The following THOC2 variants were observed in gnomAD, a reference collection of about 807,000 sequenced individuals.
The protein encoded by THOC2 is THO complex subunit 2.
Under a neutral mutation model 128.4 loss-of-function variants are expected in THOC2, and 10 were observed. The observed-to-expected ratio is 0.08, with a 90% CI of 0.05 to 0.13. The LOEUF is 0.13. Among genes scored for constraint, THOC2 ranks in the 10% least tolerant of loss-of-function variants. The probability of loss-of-function intolerance (pLI) is 1.00; values close to 1 mark genes in which losing one functional copy is unlikely to be tolerated. For missense variants in THOC2, 535 were observed against 1,155.7 expected, an observed-to-expected ratio of 0.46 and a Z score of 7.79; for synonymous variants, 393 against 396.9, an observed-to-expected ratio of 0.99 and a Z score of 0.12.
chrX:123,674,460 A>G (rs957151177), intron 8 of THOC2, among the ~76,000 whole-genome samples: 4 of 112,068 alleles, frequency 3.6e-5, no homozygotes, highest in Non-Finnish European at 7.5e-5. Flanking sequence ...CTCTAAATCC[A>G]AAGTGAGTTC....
chrX:123,675,030 G>A (rs1447980268), intron 8 of THOC2, among the ~76,000 whole-genome samples: 5 of 111,707 alleles, frequency 4.5e-5, no homozygotes, highest in African/African-American at 1.6e-4. Flanking sequence ...TAATTATTAT[G>A]TATTTGTCTT....
intron 12 of THOC2, among the ~76,000 whole-genome samples, chrX:123,663,393 T>C (rs2048917329): frequency 9.0e-6 from 1 of 111,476 alleles, no homozygotes; most frequent in Non-Finnish European, 1.9e-5. Context: ...GGAAAGCCTA[T>C]CAGAGGTTGC....
intron 33 of THOC2, among the ~76,000 whole-genome samples, chrX:123,615,533 G>A (rs763845258): frequency 2.6e-4 from 28 of 109,368 alleles, no homozygotes; most frequent in Non-Finnish European, 5.2e-4. Context: ...TTTTCTAATC[G>A]TGAGGTTTAT....
chrX:123,653,694 C>G (rs2048452445), intron 12 of THOC2, among the ~76,000 whole-genome samples: 1 of 111,706 alleles, frequency 9.0e-6, no homozygotes, highest in Non-Finnish European at 1.9e-5. Flanking sequence ...TAGAGAAATG[C>G]AAATCAAAAC....
At chrX:123,669,482 G>T (rs946634987) in intron 9 of THOC2, among the ~76,000 whole-genome samples, 12 of 110,518 alleles carry the variant, frequency 1.1e-4, no homozygotes, top group African/African-American at 4.0e-4. Context: ...ACCCCAGGGT[G>T]ATTTTGTACT....
chrX:123,729,323 G>A (rs2052131327), intron 1 of THOC2, among the ~76,000 whole-genome samples: 1 of 111,666 alleles, frequency 9.0e-6, no homozygotes, highest in Non-Finnish European at 1.9e-5. Flanking sequence ...TGTGATGGAT[G>A]GACCATTCAG....
intron 12 of THOC2, among the ~76,000 whole-genome samples, chrX:123,650,324 G>A (rs1419571661): frequency 8.9e-6 from 1 of 111,777 alleles, no homozygotes; most frequent in African/African-American, 3.3e-5. Flanking sequence ...ATATGGAAAG[G>A]AAAGACTGAA....
chrX:123,715,446 T>C (rs1443183604), intron 1 of THOC2, among the ~76,000 whole-genome samples: 1 of 108,994 alleles, frequency 9.2e-6, no homozygotes, highest in Non-Finnish European at 1.9e-5. Context: ...AAGGAAATAA[T>C]AAAGATTAGG....
chrX:123,604,375 T>G (rs892560851), intron 38 of THOC2, among the ~76,000 whole-genome samples: 4 of 111,389 alleles, frequency 3.6e-5, no homozygotes, highest in Non-Finnish European at 5.7e-5. Context: ...TTGTTTGTTT[T>G]TTTTTTTTCT....
Position 123,623,136 on chromosome X carries a change from A to C in THOC2, c.3651T>G (p.Ser1217=). 1.7e-6 allele frequency: 2 copies of C among 1,211,183 alleles called. No homozygotes were observed. Among genetic ancestry groups the C allele is most frequent in the Non-Finnish European group, 2.2e-6 (2 of 895,181 alleles). The change falls in exon 29 of 39, where the codon TCT becomes TCG. Residue 1217 remains serine (S), a synonymous_variant. Coordinates refer to ENST00000245838, the MANE Select transcript of THOC2 (RefSeq NM_001081550.2). ...GPSSSSIGSA[S]KSDESSTEET... ...CCTCAGTACTGCTTTCATCCGATTT[A>C]GATGCACTTCCTATTGATGATGAAG...
chrX:123,726,599 A>T (rs1026658925), intron 1 of THOC2, among the ~76,000 whole-genome samples: 2 of 111,804 alleles, frequency 1.8e-5, no homozygotes, highest in African/African-American at 6.5e-5. Flanking sequence ...AACAATCTTA[A>T]TGCATGTCTT....
intron 5 of THOC2, among the ~76,000 whole-genome samples, 153 bp from the exon 6 acceptor site, chrX:123,696,995 A>G (rs1313712226): frequency 2.7e-5 from 3 of 112,440 alleles, no homozygotes; most frequent in Non-Finnish European, 5.6e-5. Context: ...AGTTCAATTT[A>G]ACAAATATTG....
At chrX:123,709,530 G>A (rs765612190) in intron 2 of THOC2, among the ~76,000 whole-genome samples, 80 of 111,489 alleles carry the variant, frequency 7.2e-4, no homozygotes, top group Non-Finnish European at 1.4e-3. Flanking sequence ...GGCGGAGCTT[G>A]CAGTGAGCCA....
chrX:123,729,307 T>C (rs182945754), intron 1 of THOC2, among the ~76,000 whole-genome samples: 2 of 112,135 alleles, frequency 1.8e-5, no homozygotes, highest in African/African-American at 6.5e-5. Flanking sequence ...ATGGGATATC[T>C]AGATATGTGA....
At chrX:123,638,270 T>C in intron 17 of THOC2, 147 bp from the exon 18 acceptor site, 1 of 398,414 alleles carries the variant, frequency 2.5e-6, no homozygotes, top group Non-Finnish European at 4.3e-6. Context: ...CTAAAACTAA[T>C]TATTGAAAAA....
At chrX:123,604,140 A>G (rs1296434065) in intron 38 of THOC2, among the ~76,000 whole-genome samples, 1 of 112,174 alleles carries the variant, frequency 8.9e-6, no homozygotes, top group Non-Finnish European at 1.9e-5. Context: ...TATCTTTTTC[A>G]CATCTAGGAC....
intron 38 of THOC2, chrX:123,610,284 A>C (rs1421833410): frequency 9.1e-6 from 1 of 109,783 alleles, no homozygotes; most frequent in Non-Finnish European, 1.9e-5. Context: ...TAAAGCATTA[A>C]GTGCATTACC....
chrX:123,696,677 C>T (rs2050460679), intron 6 of THOC2, 44 bp downstream of exon 6: 1 of 1,154,862 alleles, frequency 8.7e-7, no homozygotes, highest in Non-Finnish European at 1.2e-6. Context: ...AACGAAAAAA[C>T]ATACTCAGAT....
chrX:123,696,145 C>T lies in THOC2; in HGVS notation c.477G>A (p.Gln159=). 8.6e-7 allele frequency: 1 copy of T among 1,160,882 alleles called. No homozygotes were observed. The highest frequency in any genetic ancestry group is 1.8e-5 in the African/African-American group (1 of 56,375). Reference sequence around the variant, plus strand: ...CTTCTCTTAACAAATTGAATTTTTGCTGCTTATAACTGAAATCAGATAAAT... The same window carrying T: ...CTTCTCTTAACAAATTGAATTTTTGTTGCTTATAACTGAAATCAGATAAAT... The part of the protein sequence containing the change: ...VKIKTKLFYK[Q]QKFNLLREEN... The change falls in exon 7 of 39, where the codon CAG becomes CAA. Residue 159 remains glutamine, a synonymous_variant. Coordinates refer to ENST00000245838, the MANE Select transcript of THOC2 (RefSeq NM_001081550.2).
Sources: allele counts gnomAD v4.1 joint callset (sites outside exome capture counted in the v4.1 genomes callset), GRCh38; gene constraint gnomAD v4.1.1; transcripts MANE v1.5; gene names NCBI Gene and HGNC (gene_info 2026-07-23, HGNC 2026-07-21).